CNBD1: variants seen among roughly 807,000 people sequenced by gnomAD.
CNBD1 encodes the protein cyclic nucleotide-binding domain-containing protein 1.
A neutral mutation model predicts 54.4 loss-of-function variants in CNBD1; 71 were observed. The ratio of observed to expected loss-of-function variants is 1.30; its 90% confidence interval spans 1.08 to 1.59. The LOEUF (loss-of-function observed/expected upper bound fraction) is 1.59, where lower values mean the gene tolerates loss of function less well. Among genes scored for constraint, CNBD1 ranks in the 40% most tolerant of loss-of-function variants. CNBD1 has a pLI of 0.00. For missense variants in CNBD1, 659 were observed against 518.0 expected (o/e 1.27, Z -2.64); for synonymous variants, 182 against 170.7 (o/e 1.07, Z -0.51).
intron 10 of CNBD1, among the ~76,000 whole-genome samples, chr8:87,359,617 C>T (rs7003824): frequency 0.3 from 46,013 of 151,820 alleles, 7,294 homozygotes; most frequent in Middle Eastern, 0.41. Flanking sequence ...TGCATTTAAT[C>T]TGCTATATCC....
rs751814258 is a variant in CNBD1, at chr8:86,905,096, T to A, written c.174T>A (p.Asn58Lys). The change falls in exon 3 of 11, where the codon AAT (asparagine) becomes AAA (lysine). Residue 58 changes from asparagine to lysine, a missense_variant. Coordinates refer to ENST00000518476, the MANE Select transcript of CNBD1 (RefSeq NM_173538.3). The stretch of plus-strand genomic sequence containing the variant: ...TCTTTTTAAGCCGGAGTATGAGCAA[T>A]ATCTTATCAGCTCACGATACATTTA... ...IRGQHSRSMS[N>K]ILSAHDTFMK... The A allele has an allele frequency of 6.2e-7, 1 of 1,606,530 alleles. No homozygotes were observed. The highest frequency in any genetic ancestry group is 8.5e-7 in the Non-Finnish European group (1 of 1,174,430).
intron 4 of CNBD1, among the ~76,000 whole-genome samples, chr8:87,015,386 C>T (rs976690938): frequency 3.3e-5 from 5 of 152,054 alleles, no homozygotes; most frequent in African/African-American, 4.8e-5. Flanking sequence ...AGGGTTTCAT[C>T]GTGTTAGTCA....
At chr8:86,872,589 A>G (rs1222317634) in intron 1 of CNBD1, among the ~76,000 whole-genome samples, 1 of 152,120 alleles carries the variant, frequency 6.6e-6, no homozygotes, top group African/African-American at 2.4e-5. Flanking sequence ...TTTCTCTCTA[A>G]CACTTATCTT....
chr8:87,283,216 C>T (rs914023508), intron 6 of CNBD1, among the ~76,000 whole-genome samples: 11 of 151,986 alleles, frequency 7.2e-5, no homozygotes, highest in Admixed American at 2.6e-4. Flanking sequence ...CCATTATTTA[C>T]AGAAGTTTTA....
At chr8:87,049,829 G>T (rs899432326) in intron 4 of CNBD1, among the ~76,000 whole-genome samples, 3 of 152,308 alleles carry the variant, frequency 2.0e-5, no homozygotes, top group South Asian at 4.1e-4. Flanking sequence ...GGAGTATAAA[G>T]AGTTAAATTA....
chr8:87,376,466 G>A (rs890588474), intron 10 of CNBD1, among the ~76,000 whole-genome samples: 6 of 151,876 alleles, frequency 4.0e-5, no homozygotes, highest in African/African-American at 1.4e-4. Flanking sequence ...TTTGAGGGAT[G>A]TAACCATTTA....
intron 4 of CNBD1, among the ~76,000 whole-genome samples, chr8:87,138,548 C>T (rs1400635204): frequency 6.6e-6 from 1 of 152,204 alleles, no homozygotes; most frequent in Non-Finnish European, 1.5e-5. Context: ...TCTGCTCCTG[C>T]TGTTTAGTGG....
At chr8:87,116,219 T>TTTTTTC (rs1811765083) in intron 4 of CNBD1, among the ~76,000 whole-genome samples, 1 of 113,164 alleles carries the variant, frequency 8.8e-6, no homozygotes, top group South Asian at 2.7e-4. Context: ...TTTTTTTTTT[T>TTTTTTC]GAGACAGAGT....
intron 4 of CNBD1, among the ~76,000 whole-genome samples, chr8:87,082,203 C>A (rs7813704): frequency 1.3e-5 from 2 of 152,130 alleles, no homozygotes; most frequent in Non-Finnish European, 2.9e-5. Context: ...ACATTCCCCC[C>A]GGACAATGAG....
In CNBD1 at chr8:86,974,404, G is replaced by A. The variant is rs148060575; in HGVS notation, c.431+34650G>A. Among the ~76,000 whole-genome samples the A allele has an allele frequency of 1.6e-4, 25 of 151,900 alleles. No individual in the cohort carries two copies. In the East Asian group the frequency reaches 3.7e-3, roughly 22 times the overall value. ...ACCCTTATGCCTGTAGTACCACAGA[G>A]CAACTATGTATGTAGTTGCATATGT... is the stretch of plus-strand genomic sequence containing the variant. On this transcript the variant is annotated intron_variant, in intron 4 of 10. Coordinates refer to ENST00000518476, the MANE Select transcript of CNBD1 (RefSeq NM_173538.3).
rs570434306 is a variant in CNBD1 at position 87,113,546 on chromosome 8, A to G, written c.432-92447A>G. 3.9e-5 allele frequency among the ~76,000 whole-genome samples: 6 copies of G among 152,332 alleles called. No individual in the cohort carries two copies. In the South Asian group the frequency reaches 6.2e-4, roughly 16 times the overall value. ...TTGACAAAGAAAGTAGAACTTGGCT[A>G]TTTACCAAGAAAATAATATGTATGT... is the stretch of plus-strand genomic sequence containing the variant. On this transcript the variant is annotated intron_variant, in intron 4 of 10. Transcript: ENST00000518476.
chr8:86,884,818 A>T (rs1366646597), intron 1 of CNBD1, among the ~76,000 whole-genome samples: 1 of 152,214 alleles, frequency 6.6e-6, no homozygotes, highest in East Asian at 1.9e-4. Context: ...TAAAAATCAT[A>T]TTAAGCAAGG....
At chr8:87,105,328 T>A (rs1811511098) in intron 4 of CNBD1, among the ~76,000 whole-genome samples, 1 of 152,178 alleles carries the variant, frequency 6.6e-6, no homozygotes, top group Admixed American at 6.5e-5. Context: ...TTAAAATAGA[T>A]ATTAGTGAAA....
chr8:87,203,985 A>T (rs1201070565), intron 4 of CNBD1, among the ~76,000 whole-genome samples: 1 of 152,112 alleles, frequency 6.6e-6, no homozygotes, highest in Admixed American at 6.5e-5. Context: ...TAGACCTTAG[A>T]TCTGTTTTTT....
At chr8:87,342,612 A>G (rs1441043366) in intron 8 of CNBD1, among the ~76,000 whole-genome samples, 1 of 152,162 alleles carries the variant, frequency 6.6e-6, no homozygotes, top group East Asian at 1.9e-4. Flanking sequence ...ATAAAGAGAA[A>G]GGGTATAAAG....
At chr8:86,922,857 A>G (rs552051490) in intron 3 of CNBD1, among the ~76,000 whole-genome samples, 1 of 152,268 alleles carries the variant, frequency 6.6e-6, no homozygotes, top group South Asian at 2.1e-4. Context: ...GAAGAAATTC[A>G]GAGAAAAAGA....
At chr8:87,328,952 G>A (rs1269777547) in intron 8 of CNBD1, among the ~76,000 whole-genome samples, 2 of 151,682 alleles carry the variant, frequency 1.3e-5, no homozygotes, top group Non-Finnish European at 2.9e-5. Context: ...TTTTCTTTTT[G>A]TATAGTCATT....
At chr8:87,131,679 C>T (rs1472365724) in intron 4 of CNBD1, among the ~76,000 whole-genome samples, 1 of 151,742 alleles carries the variant, frequency 6.6e-6, no homozygotes, top group Non-Finnish European at 1.5e-5. Flanking sequence ...TCTTTTTGAT[C>T]CATAGATTTT....
chr8:87,226,449 C>A (rs1365714682), intron 5 of CNBD1, among the ~76,000 whole-genome samples: 1 of 148,962 alleles, frequency 6.7e-6, no homozygotes, highest in Non-Finnish European at 1.5e-5. Context: ...TGTCTTTGTT[C>A]TCGTTGGTTT....
Sources: allele counts gnomAD v4.1 joint callset (sites outside exome capture counted in the v4.1 genomes callset), GRCh38; gene constraint gnomAD v4.1.1; transcripts MANE v1.5; gene names NCBI Gene and HGNC (gene_info 2026-07-23, HGNC 2026-07-21).